PPARGC1A: variants seen among roughly 807,000 people sequenced by gnomAD.
PPARGC1A encodes the protein PPARG coactivator 1 alpha, also known as peroxisome proliferator-activated receptor gamma coactivator 1-alpha.
In PPARGC1A, 25 loss-of-function variants were observed where a neutral mutation model predicts 88.7. The observed-to-expected ratio is 0.28, with a 90% CI of 0.21 to 0.39. The LOEUF (loss-of-function observed/expected upper bound fraction) is 0.39, where lower values mean the gene tolerates loss of function less well. PPARGC1A is among the 10% of genes least tolerant of loss of function. The pLI is 1.00. For missense variants in PPARGC1A, 880 were observed against 968.7 expected (o/e 0.91, Z 1.22); for synonymous variants, 363 against 355.6 (o/e 1.02, Z -0.24).
chr4:24,189,374 G>C, the PPARGC1A span, among the ~76,000 whole-genome samples: 2 of 152,072 alleles, frequency 1.3e-5, no homozygotes, highest in African/African-American at 4.8e-5. Context: ...GAATGGTCCT[G>C]AAATAGATAC....
the PPARGC1A span, among the ~76,000 whole-genome samples, chr4:24,226,053 C>T: frequency 1.3e-5 from 2 of 152,126 alleles, no homozygotes; most frequent in Non-Finnish European, 2.9e-5. Context: ...GCTGTTTCCA[C>T]GCGCTCACAT....
At chr4:23,984,707 T>G in the PPARGC1A span, among the ~76,000 whole-genome samples, 1 of 152,130 alleles carries the variant, frequency 6.6e-6, no homozygotes, top group Non-Finnish European at 1.5e-5. Context: ...CATCAGATTC[T>G]CTCAACATCT....
chr4:24,132,956 T>C, the PPARGC1A span, among the ~76,000 whole-genome samples: 2 of 152,212 alleles, frequency 1.3e-5, no homozygotes, highest in African/African-American at 4.8e-5. Flanking sequence ...ACAGATGCTA[T>C]GGGATTTTTA....
At chr4:24,152,262 C>T in the PPARGC1A span, among the ~76,000 whole-genome samples, 131 of 152,264 alleles carry the variant, frequency 8.6e-4, no homozygotes, top group African/African-American at 2.8e-3. Flanking sequence ...AAAGGAGGAG[C>T]TTTCAGGGCA....
chr4:24,249,682 C>G, the PPARGC1A span, among the ~76,000 whole-genome samples: 464 of 152,266 alleles, frequency 3.0e-3, 4 homozygotes, highest in African/African-American at 0.011. Context: ...TTTTGCAAGG[C>G]AGGGAAACAT....
the PPARGC1A span, among the ~76,000 whole-genome samples, chr4:24,015,270 A>C: frequency 6.8e-6 from 1 of 147,952 alleles, no homozygotes; most frequent in African/African-American, 2.7e-5. Flanking sequence ...TAGATGAGAT[A>C]GAGATAGAGA....
chr4:24,172,440 G>A, the PPARGC1A span, among the ~76,000 whole-genome samples: 14 of 152,342 alleles, frequency 9.2e-5, no homozygotes, highest in Non-Finnish European at 1.6e-4. Flanking sequence ...CAGACACAAC[G>A]AAGCTGGGAA....
the PPARGC1A span, among the ~76,000 whole-genome samples, chr4:24,467,050 AAAAGAAAGAAAGAG>A: frequency 2.5e-5 from 3 of 120,094 alleles, no homozygotes; most frequent in Admixed American, 7.8e-5. Context: ...GAGAGAGAGA[AAAAGAAAGAAAGAG>A]AAAGAAAGAA....
Position 23,832,861 on chromosome 4 carries a change from C to T in PPARGC1A, c.235-1110G>A, listed in dbSNP as rs139483142. Among the ~76,000 whole-genome samples the T allele has an allele frequency of 7.9e-3, 1,170 of 147,430 alleles. 24 individuals carry two copies. Among genetic ancestry groups the T allele is most frequent in the South Asian group, 0.066 (306 of 4,658 alleles). ...TCCTGACCTCGTGATCCACCCACCT[C>T]GGCCTCCCAAAGTGCTGGGATTACC... is the stretch of plus-strand genomic sequence containing the variant. On this transcript the variant is annotated intron_variant, in intron 2 of 12. Transcript: ENST00000264867.
intron 5 of PPARGC1A, 22 bp from the exon 6 acceptor site, chr4:23,824,530 T>C: frequency 6.4e-7 from 1 of 1,556,880 alleles, no homozygotes; most frequent in Non-Finnish European, 8.8e-7. Flanking sequence ...AAAAAGAAAC[T>C]AATTATGTAA....
chr4:23,802,008 A>T (rs1718850574), intron 11 of PPARGC1A, 127 bp from the exon 12 acceptor site: 1 of 1,325,642 alleles, frequency 7.5e-7, no homozygotes, highest in African/African-American at 1.5e-5. Context: ...TATCAGTGTG[A>T]TTGTCCTGTC....
chr4:24,425,762 C>T, the PPARGC1A span, among the ~76,000 whole-genome samples: 1 of 152,162 alleles, frequency 6.6e-6, no homozygotes, highest in Admixed American at 6.5e-5. Context: ...TAAAATCATT[C>T]ATATCACTTC....
the PPARGC1A span, among the ~76,000 whole-genome samples, chr4:24,117,922 A>G: frequency 6.6e-6 from 1 of 152,082 alleles, no homozygotes; most frequent in Non-Finnish European, 1.5e-5. Context: ...CCTCATTTCT[A>G]ATTCCCAGAT....
chr4:24,069,118 T>C, the PPARGC1A span, among the ~76,000 whole-genome samples: 52 of 152,180 alleles, frequency 3.4e-4, no homozygotes, highest in African/African-American at 1.2e-3. Context: ...TAGGCACTGT[T>C]ATGATCTCTA....
the PPARGC1A span, among the ~76,000 whole-genome samples, chr4:24,164,886 G>A: frequency 6.6e-6 from 1 of 152,108 alleles, no homozygotes; most frequent in Non-Finnish European, 1.5e-5. Flanking sequence ...GGGTAAGGAG[G>A]TTGTCTCAAT....
chr4:24,054,120 GA>G, the PPARGC1A span, among the ~76,000 whole-genome samples: 1 of 152,100 alleles, frequency 6.6e-6, no homozygotes, highest in Non-Finnish European at 1.5e-5. Context: ...ATCTCTAATG[GA>G]AAAAGGATTA....
intron 2 of PPARGC1A, among the ~76,000 whole-genome samples, chr4:23,865,133 C>A (rs190203454): frequency 7.8e-4 from 118 of 152,186 alleles, no homozygotes; most frequent in African/African-American, 2.7e-3. Context: ...TGTAGTGAAC[C>A]AAGATCATAC....
chr4:23,816,696 T>C (rs1339116351), intron 7 of PPARGC1A, among the ~76,000 whole-genome samples: 1 of 152,196 alleles, frequency 6.6e-6, no homozygotes, highest in South Asian at 2.1e-4. Context: ...AACATCCTCA[T>C]ATCCAACTCC....
At chr4:24,090,568 G>A in the PPARGC1A span, among the ~76,000 whole-genome samples, 2 of 152,200 alleles carry the variant, frequency 1.3e-5, no homozygotes, top group African/African-American at 2.4e-5. Flanking sequence ...AGACAAAATG[G>A]AAAATCAGAG....
Sources: gnomAD v4.1 joint callset for allele counts (sites outside exome capture counted in the v4.1 genomes callset) on GRCh38, gnomAD v4.1.1 for gene constraint, MANE v1.5 for transcripts, NCBI Gene and HGNC (gene_info 2026-07-23, HGNC 2026-07-21) for gene names.